Variants in SPATS2L observed in about 807,000 individuals in gnomAD.
The protein encoded by SPATS2L is spermatogenesis associated serine rich 2 like, also known as SPATS2-like protein.
SPATS2L carries 30 observed loss-of-function variants against 59.6 expected under a neutral mutation model. The observed-to-expected ratio is 0.50, with a 90% CI of 0.38 to 0.68. The LOEUF (loss-of-function observed/expected upper bound fraction) is 0.68. Ranked by LOEUF, SPATS2L falls within the 30% of genes least tolerant of loss-of-function variation. The pLI, the probability that SPATS2L is intolerant of heterozygous loss-of-function variation, is 0.00. For synonymous variants in SPATS2L, 252 were observed against 263.5 expected (o/e 0.96, Z 0.42); for missense variants, 615 against 700.0 (o/e 0.88, Z 1.37).
intron 6 of SPATS2L, among the ~76,000 whole-genome samples, chr2:200,435,137 T>C (rs2084192575): frequency 6.6e-6 from 1 of 152,218 alleles, no homozygotes; most frequent in South Asian, 2.1e-4. Context: ...CTATTTCTCA[T>C]TTATTGCCTA....
chr2:200,321,518 A>G (rs563069710), intron 1 of SPATS2L, among the ~76,000 whole-genome samples: 22 of 152,342 alleles, frequency 1.4e-4, no homozygotes, highest in African/African-American at 5.3e-4. Context: ...CACTTAAATT[A>G]TAGGGTAAAA....
chr2:200,403,040 C>T (rs1340686813), intron 3 of SPATS2L, among the ~76,000 whole-genome samples: 1 of 152,188 alleles, frequency 6.6e-6, no homozygotes, highest in Admixed American at 6.5e-5. Flanking sequence ...AGTCATTGCA[C>T]AAGTAAAGGC....
intron 3 of SPATS2L, among the ~76,000 whole-genome samples, chr2:200,412,047 G>T (rs1395249500): frequency 6.6e-6 from 1 of 152,050 alleles, no homozygotes; most frequent in African/African-American, 2.4e-5. Flanking sequence ...CAAAACCAGA[G>T]TTGGCTTTTC....
intron 3 of SPATS2L, among the ~76,000 whole-genome samples, chr2:200,399,904 A>T (rs2082471004): frequency 6.6e-6 from 1 of 152,236 alleles, no homozygotes; most frequent in Non-Finnish European, 1.5e-5. Context: ...TTAAAGGGTA[A>T]TAGTGACTTA....
In SPATS2L at chr2:200,478,052, T is replaced by A. The variant is rs1464647457; in HGVS notation, c.*21T>A. The A allele has an allele frequency of 1.3e-6, 2 of 1,521,056 alleles. No homozygotes were observed. Among genetic ancestry groups the A allele is most frequent in the Non-Finnish European group, 1.8e-6 (2 of 1,136,392 alleles). 94.2% of individuals were successfully genotyped at this position (1,521,056 alleles called of 1,614,324 possible). Reference sequence around the variant, plus strand: ...CCTGAGCTAGGAGGAAAAAGAGCAGTTTTCACTCAGTTTTGGTTCCCTGCC... The same window carrying A: ...CCTGAGCTAGGAGGAAAAAGAGCAGATTTCACTCAGTTTTGGTTCCCTGCC... On this transcript the variant is annotated 3_prime_UTR_variant, in exon 13 of 13. Coordinates refer to ENST00000409140, the MANE Select transcript of SPATS2L (RefSeq NM_001100423.2).
intron 12 of SPATS2L, among the ~76,000 whole-genome samples, chr2:200,475,993 A>G (rs2087491788): frequency 3.3e-5 from 5 of 152,218 alleles, no homozygotes. Context: ...AACGAAGCAC[A>G]TAATAGCAAC....
intron 2 of SPATS2L, among the ~76,000 whole-genome samples, chr2:200,344,030 A>G (rs926928147): frequency 1.3e-5 from 2 of 151,922 alleles, no homozygotes; most frequent in Non-Finnish European, 2.9e-5. Context: ...AAAATAATCC[A>G]TAGAGGTTAT....
At chr2:200,382,712 AGTTTCCAC>A in intron 2 of SPATS2L, among the ~76,000 whole-genome samples, 1 of 152,226 alleles carries the variant, frequency 6.6e-6, no homozygotes, top group Non-Finnish European at 1.5e-5. Context: ...TTTGTGCTTC[AGTTTCCAC>A]GTATGTAAAA....
At chr2:200,434,820 AT>A (rs2084172806) in intron 6 of SPATS2L, among the ~76,000 whole-genome samples, 1 of 152,230 alleles carries the variant, frequency 6.6e-6, no homozygotes, top group South Asian at 2.1e-4. Context: ...ATCTCATCAT[AT>A]TTTTTGTTGA....
intron 6 of SPATS2L, among the ~76,000 whole-genome samples, chr2:200,425,010 G>A (rs928690196): frequency 1.3e-5 from 2 of 151,878 alleles, no homozygotes; most frequent in Non-Finnish European, 2.9e-5. Flanking sequence ...TTTTACCTTA[G>A]CAATGCAGAT....
At chr2:200,358,011 C>T (rs2080973618) in intron 2 of SPATS2L, among the ~76,000 whole-genome samples, 1 of 152,168 alleles carries the variant, frequency 6.6e-6, no homozygotes, top group Non-Finnish European at 1.5e-5. Flanking sequence ...TGTTCTGTCA[C>T]TTGCCAAACA....
chr2:200,477,809 C>T lies in SPATS2L; in HGVS notation c.1455C>T (p.Gly485=), dbSNP rs867034558. The change falls in exon 13 of 13, where the codon GGC becomes GGT. Residue 485 remains glycine (G), a synonymous_variant. Transcript: ENST00000409140. ...PHNGFRPKNK[G]GAKNQEASLG... ...ACGGCTTCCGGCCCAAAAACAAAGGCGGTGCCAAAAATCAAGAGGCTTCCT... is the reference window on the plus strand; with the variant it reads ...ACGGCTTCCGGCCCAAAAACAAAGGTGGTGCCAAAAATCAAGAGGCTTCCT... 1.7e-5 allele frequency: 26 copies of T among 1,574,684 alleles called. No individual in the cohort carries two copies. Among genetic ancestry groups the T allele is most frequent in the Middle Eastern group, 1.7e-4 (1 of 6,042 alleles).
At chr2:200,366,136 A>G (rs1020253341) in intron 2 of SPATS2L, among the ~76,000 whole-genome samples, 4 of 152,222 alleles carry the variant, frequency 2.6e-5, no homozygotes, top group African/African-American at 4.8e-5. Flanking sequence ...TTGGGATTCT[A>G]ATGCAACTCA....
intron 2 of SPATS2L, among the ~76,000 whole-genome samples, chr2:200,377,198 A>G (rs1459263017): frequency 1.3e-5 from 2 of 152,220 alleles, no homozygotes; most frequent in East Asian, 3.8e-4. Flanking sequence ...ATGAGGAAAC[A>G]CGGCCTAGAT....
At chr2:200,457,664 G>A (rs1220166970) in intron 8 of SPATS2L, among the ~76,000 whole-genome samples, 1 of 152,212 alleles carries the variant, frequency 6.6e-6, no homozygotes, top group Non-Finnish European at 1.5e-5. Flanking sequence ...GAGGGACTAG[G>A]CTTAGAGCCC....
intron 10 of SPATS2L, chr2:200,469,639 TA>T: frequency 5.9e-6 from 2 of 336,558 alleles, no homozygotes; most frequent in East Asian, 5.1e-5. Flanking sequence ...CGAGGGGTGC[TA>T]AAAGGTTAAA....
chr2:200,470,841 A>G (rs1158381781), intron 11 of SPATS2L, among the ~76,000 whole-genome samples: 2 of 152,210 alleles, frequency 1.3e-5, no homozygotes, highest in African/African-American at 2.4e-5. Flanking sequence ...CAATATATTT[A>G]ACCAGTCATT....
chr2:200,422,114 A>G (rs1204504520), intron 6 of SPATS2L, among the ~76,000 whole-genome samples: 1 of 152,214 alleles, frequency 6.6e-6, no homozygotes, highest in East Asian at 1.9e-4. Flanking sequence ...GTGAAGAATT[A>G]TTTCTTGCAC....
intron 2 of SPATS2L, among the ~76,000 whole-genome samples, chr2:200,366,961 T>G (rs1364351752): frequency 6.6e-6 from 1 of 152,216 alleles, no homozygotes; most frequent in Non-Finnish European, 1.5e-5. Context: ...GCAATTAATT[T>G]TTCCAAAATT....
Sources: gnomAD v4.1 joint callset for allele counts (sites outside exome capture counted in the v4.1 genomes callset) on GRCh38, gnomAD v4.1.1 for gene constraint, MANE v1.5 for transcripts, NCBI Gene and HGNC (gene_info 2026-07-23, HGNC 2026-07-21) for gene names.